Variants in LRP1B observed in about 807,000 individuals in gnomAD.
LRP1B encodes the protein low-density lipoprotein receptor-related protein 1B.
A neutral mutation model predicts 556.6 loss-of-function variants in LRP1B; 217 were observed. The ratio of observed to expected loss-of-function variants is 0.39; its 90% CI spans 0.35 to 0.44. The LOEUF is 0.44. LRP1B is among the 20% of genes least tolerant of loss of function. LRP1B has a pLI of 1.00. For synonymous variants in LRP1B, 2,047 were observed against 1,865.8 expected (o/e 1.10, Z -2.50); for missense variants, 5,053 against 5,620.8 (o/e 0.90, Z 3.23).
intron 3 of LRP1B, among the ~76,000 whole-genome samples, chr2:141,370,102 C>T (rs1162920482): frequency 6.6e-6 from 1 of 152,104 alleles, no homozygotes; most frequent in Non-Finnish European, 1.5e-5. Context: ...CTGCAATAAA[C>T]ATATGAGTGC....
chr2:140,901,519 A>T (rs186105286), intron 23 of LRP1B, among the ~76,000 whole-genome samples: 3 of 152,322 alleles, frequency 2.0e-5, no homozygotes, highest in African/African-American at 7.2e-5. Context: ...TAATCACATC[A>T]GGGTAAATGG....
chr2:141,027,909 C>T (rs1318493297), intron 11 of LRP1B, among the ~76,000 whole-genome samples: 13 of 152,068 alleles, frequency 8.5e-5, no homozygotes, highest in African/African-American at 9.7e-5. Flanking sequence ...GAAGAGGTCC[C>T]TCACCAGAAC....
intron 2 of LRP1B, among the ~76,000 whole-genome samples, chr2:141,490,368 C>CGTGTGTGTGTGTGTG (rs1491339740): frequency 1.2e-4 from 5 of 40,842 alleles, no homozygotes; most frequent in Admixed American, 3.5e-4. Context: ...TTAAAATAGC[C>CGTGTGTGTGTGTGTG]TCGTGTGTGT....
chr2:142,085,773 C>A (rs1267213449), intron 1 of LRP1B, among the ~76,000 whole-genome samples: 1 of 152,110 alleles, frequency 6.6e-6, no homozygotes, highest in Non-Finnish European at 1.5e-5. Flanking sequence ...ATCTTCAATC[C>A]CCCAAGTTGT....
chr2:142,119,542 G>C (rs956436344), intron 1 of LRP1B, among the ~76,000 whole-genome samples: 5 of 152,192 alleles, frequency 3.3e-5, no homozygotes, highest in African/African-American at 9.6e-5. Flanking sequence ...AGCACCAAAA[G>C]AGAAAACAGA....
chr2:142,016,931 T>TATATGTATATGTATATATGC (rs1703164183), intron 1 of LRP1B, among the ~76,000 whole-genome samples: 1 of 150,652 alleles, frequency 6.6e-6, no homozygotes, highest in South Asian at 2.1e-4. Flanking sequence ...TATGTATGTA[T>TATATGTATATGTATATATGC]ATATGTATAT....
rs566402023 is a variant in LRP1B at position 141,029,771 on chromosome 2, A to G, written c.1790-9669T>C. 2.0e-5 allele frequency among the ~76,000 whole-genome samples: 3 copies of G among 152,228 alleles called. No homozygotes were observed. In the South Asian group the frequency reaches 6.2e-4, roughly 32 times the overall value. On this transcript the variant is annotated intron_variant, in intron 11 of 90. Coordinates refer to ENST00000389484, the MANE Select transcript of LRP1B (RefSeq NM_018557.3). ...GTCTCATTTTCTACTTTTGGCACCAATGCAGTGGCGGCAGGTTTATTCCCC... is the reference window on the plus strand; with the variant it reads ...GTCTCATTTTCTACTTTTGGCACCAGTGCAGTGGCGGCAGGTTTATTCCCC...
rs79815961 is a variant in LRP1B, at chr2:141,737,812, T to C, written c.205+72467A>G. ...ATTAAGCATCCTCAGAAATGCTTTT[T>C]TCTTCCAGTGTTTCACTAAGACTTC... On this transcript the variant is annotated intron_variant, in intron 2 of 90. Transcript: ENST00000389484. Among the ~76,000 whole-genome samples, 342 of 152,300 alleles carry C rather than the reference T, an allele frequency of 2.2e-3. 1 individual carries two copies. The highest frequency in any genetic ancestry group is 4.1e-3 in the Non-Finnish European group (280 of 68,014).
chr2:141,614,741 G>C (rs1371109761), intron 2 of LRP1B, among the ~76,000 whole-genome samples: 1 of 152,196 alleles, frequency 6.6e-6, no homozygotes, highest in Non-Finnish European at 1.5e-5. Context: ...GATTGACTCT[G>C]AGAGCTCTCA....
At chr2:140,938,788 T>A (rs1695307159) in intron 20 of LRP1B, among the ~76,000 whole-genome samples, 2 of 150,688 alleles carry the variant, frequency 1.3e-5, no homozygotes, top group Non-Finnish European at 3.0e-5. Flanking sequence ...TCTTCCCCTA[T>A]ATTATCAACA....
chr2:141,605,377 A>ATT (rs987013800), intron 2 of LRP1B, among the ~76,000 whole-genome samples: 15 of 146,230 alleles, frequency 1.0e-4, no homozygotes, highest in South Asian at 4.7e-4. Flanking sequence ...TTTTATTTTT[A>ATT]TTTTATTTTT....
chr2:140,774,208 A>G (rs1247415299), intron 33 of LRP1B, among the ~76,000 whole-genome samples: 1 of 152,076 alleles, frequency 6.6e-6, no homozygotes. Flanking sequence ...TTTTATCAGC[A>G]TATTCTAGTA....
At chr2:141,529,723 T>A (rs1157794797) in intron 2 of LRP1B, among the ~76,000 whole-genome samples, 1 of 152,054 alleles carries the variant, frequency 6.6e-6, no homozygotes, top group Non-Finnish European at 1.5e-5. Context: ...TTATCATTAT[T>A]CAGCAACACA....
At chr2:141,524,906 T>C (rs1684645089) in intron 2 of LRP1B, among the ~76,000 whole-genome samples, 1 of 152,146 alleles carries the variant, frequency 6.6e-6, no homozygotes, top group Non-Finnish European at 1.5e-5. Context: ...CAGGATATTA[T>C]TATTTTGTTT....
chr2:140,555,751 G>A (rs79441743), intron 43 of LRP1B, among the ~76,000 whole-genome samples: 137 of 152,052 alleles, frequency 9.0e-4, no homozygotes, highest in African/African-American at 3.2e-3. Flanking sequence ...TTAAACTTCT[G>A]ATTTTATCAC....
At chr2:141,110,404 G>C (rs1922702) in intron 7 of LRP1B, among the ~76,000 whole-genome samples, 55,009 of 151,934 alleles carry the variant, frequency 0.36, 10,452 homozygotes, top group East Asian at 0.66. Flanking sequence ...CTAGGAGCTT[G>C]TGAATTAAAC....
intron 2 of LRP1B, among the ~76,000 whole-genome samples, chr2:141,733,301 T>A (rs1386207608): frequency 6.6e-6 from 1 of 152,170 alleles, no homozygotes. Flanking sequence ...ATGTTTGAAT[T>A]ACGATTGGTC....
intron 25 of LRP1B, among the ~76,000 whole-genome samples, chr2:140,874,305 A>T (rs1693235230): frequency 6.6e-6 from 1 of 152,130 alleles, no homozygotes; most frequent in Non-Finnish European, 1.5e-5. Context: ...ACAAAGTTCA[A>T]ATGTATTGCA....
At chr2:141,360,867 T>C (rs1035299028) in intron 3 of LRP1B, among the ~76,000 whole-genome samples, 1 of 152,166 alleles carries the variant, frequency 6.6e-6, no homozygotes, top group African/African-American at 2.4e-5. Flanking sequence ...TATAAATATA[T>C]AGCACATTAT....
Sources: allele counts gnomAD v4.1 joint callset (sites outside exome capture counted in the v4.1 genomes callset), GRCh38; gene constraint gnomAD v4.1.1; transcripts MANE v1.5; gene names NCBI Gene and HGNC (gene_info 2026-07-23, HGNC 2026-07-21).